Variants in HDAC9 observed in about 807,000 individuals in gnomAD.
HDAC9 encodes the protein histone deacetylase 9, also known as MEF-2 interacting transcription repressor (MITR) protein.
HDAC9 carries 41 observed loss-of-function variants against 139.4 expected under a neutral mutation model. That is an observed-to-expected ratio of 0.29 (90% CI 0.23 to 0.38). HDAC9 has a LOEUF of 0.38. Among genes scored for constraint, HDAC9 ranks in the 10% least tolerant of loss-of-function variants. The pLI is 1.00. For synonymous variants in HDAC9, 517 were observed against 476.2 expected (o/e 1.09, Z -1.12); for missense variants, 1,147 against 1,297.0 (o/e 0.88, Z 1.78).
At chr7:18,760,817 A>G (rs1217059960) in intron 14 of HDAC9, among the ~76,000 whole-genome samples, 1 of 152,218 alleles carries the variant, frequency 6.6e-6, no homozygotes. Context: ...ATGCTGAGAA[A>G]TTGTCAGATA....
intron 2 of HDAC9, among the ~76,000 whole-genome samples, chr7:18,251,679 G>C (rs1440285898): frequency 6.6e-6 from 1 of 152,104 alleles, no homozygotes. Context: ...GACTTTACCT[G>C]CAACTAAAGA....
intron 1 of HDAC9, among the ~76,000 whole-genome samples, chr7:18,148,631 T>C (rs1196927621): frequency 2.0e-5 from 3 of 152,074 alleles, no homozygotes; most frequent in Non-Finnish European, 4.4e-5. Context: ...TAATTTTTTT[T>C]GTATTTTTAG....
chr7:18,150,784 A>G (rs1786720816), intron 1 of HDAC9, among the ~76,000 whole-genome samples: 1 of 152,248 alleles, frequency 6.6e-6, no homozygotes, highest in Non-Finnish European at 1.5e-5. Flanking sequence ...CAGAGATAAA[A>G]TTAAGTGCAT....
At chr7:18,156,637 G>A (rs559894284) in intron 1 of HDAC9, among the ~76,000 whole-genome samples, 13 of 152,282 alleles carry the variant, frequency 8.5e-5, no homozygotes, top group East Asian at 5.8e-4. Context: ...TGAATGTAGT[G>A]CAGTCCCTGA....
At chr7:18,412,397 G>A (rs927366825) in intron 1 of HDAC9, among the ~76,000 whole-genome samples, 1 of 152,106 alleles carries the variant, frequency 6.6e-6, no homozygotes, top group Non-Finnish European at 1.5e-5. Flanking sequence ...GGAGAAAACA[G>A]AGGCAAAGGT....
chr7:18,776,561 G>A (rs1342238380), intron 16 of HDAC9, among the ~76,000 whole-genome samples: 1 of 152,064 alleles, frequency 6.6e-6, no homozygotes, highest in African/African-American at 2.4e-5. Context: ...AGACAAATAA[G>A]CAAGAATGAA....
intron 2 of HDAC9, among the ~76,000 whole-genome samples, chr7:18,194,585 C>T (rs1223789119): frequency 6.6e-6 from 1 of 152,250 alleles, no homozygotes; most frequent in South Asian, 2.1e-4. Context: ...AGATGCTAAC[C>T]CCTTTTTTCC....
intron 12 of HDAC9, among the ~76,000 whole-genome samples, chr7:18,723,989 C>A (rs1387434324): frequency 1.3e-5 from 2 of 152,078 alleles, no homozygotes; most frequent in Non-Finnish European, 2.9e-5. Flanking sequence ...GTTCAACGAG[C>A]TTTCAACGTT....
At chr7:18,260,202 C>T (rs1330338488) in intron 2 of HDAC9, among the ~76,000 whole-genome samples, 1 of 151,980 alleles carries the variant, frequency 6.6e-6, no homozygotes, top group Non-Finnish European at 1.5e-5. Flanking sequence ...CTGGTCAAAG[C>T]CTTGCTAGTC....
At chr7:18,446,686 G>A (rs1160538732) in intron 1 of HDAC9, among the ~76,000 whole-genome samples, 1 of 151,468 alleles carries the variant, frequency 6.6e-6, no homozygotes, top group Admixed American at 6.6e-5. Context: ...AAATATACAC[G>A]TTCTTTTGTG....
chr7:18,108,611 C>CT (rs10708554), intron 1 of HDAC9, among the ~76,000 whole-genome samples: 1,539 of 82,916 alleles, frequency 0.019, 62 homozygotes, highest in African/African-American at 0.053. Flanking sequence ...CACTCATCTC[C>CT]TTTTTTTTTT....
chr7:18,288,617 T>C (rs1205720112), upstream of HDAC9, among the ~76,000 whole-genome samples: 1 of 152,166 alleles, frequency 6.6e-6, no homozygotes, highest in Non-Finnish European at 1.5e-5. Context: ...GAATATTATG[T>C]ATAGAGGTTG....
At chr7:18,354,456 A>G (rs1416045226) in intron 1 of HDAC9, among the ~76,000 whole-genome samples, 2 of 152,216 alleles carry the variant, frequency 1.3e-5, no homozygotes, top group African/African-American at 4.8e-5. Flanking sequence ...GGAGAGAAGA[A>G]TTAATCGCAA....
chr7:18,690,051 C>T (rs777407639), intron 12 of HDAC9, among the ~76,000 whole-genome samples: 10 of 151,952 alleles, frequency 6.6e-5, no homozygotes, highest in Admixed American at 2.0e-4. Context: ...GGAACAGAGG[C>T]GGTGACTGTA....
In HDAC9 at chr7:18,732,854, TGTGTGCGTATGTGTACACACACAC is replaced by T. The variant is rs1562893051; in HGVS notation, c.1909+5137_1909+5160del. Among the ~76,000 whole-genome samples the T allele has an allele frequency of 9.6e-3, 663 of 69,400 alleles. 88 individuals are homozygous for T. The highest frequency in any genetic ancestry group is 0.017 in the East Asian group (21 of 1,220). The allele number at this position is 69,400 out of a possible 152,430, so 45.5% of individuals were successfully genotyped here. A position where few individuals can be genotyped will look rare whatever the true frequency, so the allele number is the denominator to read the frequency against. ...GCGTATGTGTACACACACGTGTGTA[TGTGTGCGTATGTGTACACACACAC>T]GTGTGCGTATGTGTACACACACACG... is the stretch of plus-strand genomic sequence containing the variant. On this transcript the variant is annotated intron_variant, in intron 13 of 25. Coordinates refer to ENST00000686413, the MANE Select transcript of HDAC9 (RefSeq NM_178425.4).
intron 14 of HDAC9, among the ~76,000 whole-genome samples, chr7:18,754,329 C>T (rs1019969795): frequency 2.6e-5 from 4 of 151,950 alleles, no homozygotes; most frequent in Non-Finnish European, 5.9e-5. Context: ...CCAAGATGTG[C>T]ATGCTCCTGA....
At chr7:18,559,590 A>T (rs532787696) in intron 2 of HDAC9, among the ~76,000 whole-genome samples, 4 of 151,946 alleles carry the variant, frequency 2.6e-5, no homozygotes, top group Non-Finnish European at 5.9e-5. Flanking sequence ...CATCTCTTTG[A>T]CCGGTTTTAC....
chr7:18,903,989 C>T (rs973832957), intron 22 of HDAC9, among the ~76,000 whole-genome samples: 12 of 152,120 alleles, frequency 7.9e-5, no homozygotes, highest in Admixed American at 3.9e-4. Flanking sequence ...ATGCTGGCTA[C>T]GATTGGGAAC....
At chr7:18,728,324 T>G (rs1313334527) in intron 13 of HDAC9, among the ~76,000 whole-genome samples, 1 of 152,012 alleles carries the variant, frequency 6.6e-6, no homozygotes, top group Admixed American at 6.6e-5. Context: ...TGTCTACAGC[T>G]GTGTTTGATA....
Sources: allele counts gnomAD v4.1 joint callset (sites outside exome capture counted in the v4.1 genomes callset), GRCh38; gene constraint gnomAD v4.1.1; transcripts MANE v1.5; gene names NCBI Gene and HGNC (gene_info 2026-07-23, HGNC 2026-07-21).